Variants in NAT1 observed in about 807,000 individuals in gnomAD.
The protein encoded by NAT1 is N-acetyltransferase 1, also known as arylamine N-acetyltransferase 1.
For missense variants in NAT1, 400 were observed against 339.2 expected (o/e 1.18, Z -1.41); for synonymous variants, 144 against 122.6 (o/e 1.17, Z -1.16).
chr8:18,177,539 C>T lies in NAT1; in HGVS notation n.92+6800C>T, dbSNP rs191210796. The stretch of plus-strand genomic sequence containing the variant: ...TCACTGTCATTACCCATAAATACTA[C>T]TAGGTATTACATGAAATTCCATTGT... On this transcript the variant is annotated intron_variant and non_coding_transcript_variant, in intron 2 of 4. Coordinates refer to the NAT1 transcript ENST00000517441. Among the ~76,000 whole-genome samples, 270 of 152,200 alleles carry T rather than the reference C, an allele frequency of 1.8e-3. 1 individual carries two copies. Among genetic ancestry groups the T allele is most frequent in the African/African-American group, 6.2e-3 (258 of 41,554 alleles).
chr8:18,217,986 G>C (rs866803264), intron 1 of NAT1, among the ~76,000 whole-genome samples: 28 of 152,142 alleles, frequency 1.8e-4, no homozygotes, highest in African/African-American at 5.8e-4. Context: ...GAGTGGCTGA[G>C]AATATTTTCC....
intron 2 of NAT1, among the ~76,000 whole-genome samples, chr8:18,197,751 G>A (rs1803296381): frequency 1.3e-5 from 2 of 152,096 alleles, no homozygotes. Flanking sequence ...AGTAAATATT[G>A]GTTAGACTAG....
intron 2 of NAT1, among the ~76,000 whole-genome samples, chr8:18,199,317 C>CAAAAAA (rs373393013): frequency 6.2e-4 from 54 of 87,466 alleles, no homozygotes; most frequent in African/African-American, 2.0e-3. Context: ...GACTCTGTCT[C>CAAAAAA]AAAAAAAAAA....
At chr8:18,198,884 T>C (rs960302502) in intron 2 of NAT1, among the ~76,000 whole-genome samples, 1 of 152,144 alleles carries the variant, frequency 6.6e-6, no homozygotes, top group Non-Finnish European at 1.5e-5. Context: ...GACTTGCAAT[T>C]AGAGAAAAAA....
chr8:18,175,088 A>G (rs1802241436), intron 2 of NAT1, among the ~76,000 whole-genome samples: 1 of 152,078 alleles, frequency 6.6e-6, no homozygotes, highest in African/African-American at 2.4e-5. Flanking sequence ...ATATTTATTT[A>G]TAATTGACAA....
chr8:18,211,554 G>GA (rs1434818737), intron 1 of NAT1, among the ~76,000 whole-genome samples: 1 of 152,142 alleles, frequency 6.6e-6, no homozygotes, highest in Non-Finnish European at 1.5e-5. Flanking sequence ...TTTTTCTTTA[G>GA]ATTTGCTTTT....
In NAT1 at chr8:18,222,698, T is replaced by A; in HGVS notation, c.651T>A (p.Phe217Leu). 1 of 1,614,106 alleles carries A rather than the reference T, an allele frequency of 6.2e-7. No individual in the cohort carries two copies. Residue 217 changes from phenylalanine (F) to leucine (L), a missense_variant, in exon 3 of 3, where the codon TTT becomes TTA. Physicochemically the swap from Phe to Leu is conservative, Grantham distance 22. Transcript: ENST00000307719. ...TGCAGACATCTCCATCATCTGTGTT[T>A]ACTAGTAAATCATTTTGTTCCTTGC... Reference protein sequence around the residue: ...TYLQTSPSSVFTSKSFCSLQT... With the variant: ...TYLQTSPSSVLTSKSFCSLQT...
intron 2 of NAT1, among the ~76,000 whole-genome samples, chr8:18,197,875 G>T (rs1030650688): frequency 6.6e-6 from 1 of 151,614 alleles, no homozygotes; most frequent in South Asian, 2.1e-4. Flanking sequence ...TGGGTTCTGG[G>T]AAGTATGTTT....
In NAT1 at chr8:18,219,399, T is replaced by C. The variant is rs1257847849; in HGVS notation, c.-85-12T>C. ...GTTATATATTTCTGACTGTCTTTTC[T>C]CTTATTTCTAGAATTCAAGCCAGGA... On this transcript the variant is annotated splice_polypyrimidine_tract_variant and intron_variant, in intron 1 of 2. Transcript: ENST00000307719. 1.3e-6 allele frequency: 2 copies of C among 1,533,172 alleles called. No individual in the cohort carries two copies. The highest frequency in any genetic ancestry group is 1.8e-6 in the Non-Finnish European group (2 of 1,134,316). The allele number at this position is 1,533,172 out of a possible 1,614,324, so 95.0% of individuals were successfully genotyped here. A position where few individuals can be genotyped will look rare whatever the true frequency, so the allele number is the denominator to read the frequency against.
rs4987076 is a variant in NAT1 at position 18,222,492 on chromosome 8, G to A, written c.445G>A (p.Val149Ile). The stretch of plus-strand genomic sequence containing the variant: ...GAAGGATCAGCCTCAGGTGCCTTGT[G>A]TCTTCCGTTTGACGGAAGAGAATGG... ...SGKDQPQVPC[V>I]FRLTEENGFW... The change falls in exon 3 of 3, where the codon GTC becomes ATC. Residue 149 changes from valine to isoleucine, a missense_variant. Val to Ile is a conservative substitution (Grantham distance 29). Coordinates refer to ENST00000307719, the MANE Select transcript of NAT1 (RefSeq NM_000662.8). The A allele has an allele frequency of 0.021, 34,637 of 1,614,078 alleles. 483 individuals carry two copies. Among genetic ancestry groups the A allele is most frequent in the Middle Eastern group, 0.08 (487 of 6,062 alleles).
chr8:18,210,275 C>A (rs531531106), intron 1 of NAT1, 95 bp downstream of exon 1: 13 of 152,282 alleles, frequency 8.5e-5, no homozygotes, highest in African/African-American at 2.9e-4. Context: ...GTCTACATTT[C>A]AAGTATAAGG....
At chr8:18,195,859 G>C (rs934421611) in intron 2 of NAT1, among the ~76,000 whole-genome samples, 1 of 151,112 alleles carries the variant, frequency 6.6e-6, no homozygotes, top group Non-Finnish European at 1.5e-5. Flanking sequence ...AGATCTTTTC[G>C]ACCTACCAGT....
At chr8:18,204,818 A>C (rs928612388) in intron 2 of NAT1, among the ~76,000 whole-genome samples, 2 of 152,222 alleles carry the variant, frequency 1.3e-5, no homozygotes, top group African/African-American at 4.8e-5. Flanking sequence ...AGAATGTTAT[A>C]AGACAGATAT....
At chr8:18,210,933 C>A (rs1804038703) in intron 1 of NAT1, among the ~76,000 whole-genome samples, 1 of 152,126 alleles carries the variant, frequency 6.6e-6, no homozygotes, top group Non-Finnish European at 1.5e-5. Flanking sequence ...CGCCACCATG[C>A]CTGGCTAATT....
chr8:18,197,345 A>T (rs1309490374), intron 2 of NAT1, among the ~76,000 whole-genome samples: 1 of 152,232 alleles, frequency 6.6e-6, no homozygotes, highest in African/African-American at 2.4e-5. Context: ...ACATAAAGAC[A>T]TCATACAGCC....
intron 2 of NAT1, among the ~76,000 whole-genome samples, chr8:18,197,539 G>T (rs887216311): frequency 1.9e-4 from 29 of 152,160 alleles, no homozygotes; most frequent in African/African-American, 6.5e-4. Flanking sequence ...ACGACAGCCC[G>T]TCACAACAAA....
At chr8:18,178,100 G>A (rs1419878589) in intron 2 of NAT1, among the ~76,000 whole-genome samples, 1 of 152,106 alleles carries the variant, frequency 6.6e-6, no homozygotes, top group South Asian at 2.1e-4. Context: ...CAGAGGGAGG[G>A]AGATGGGAAA....
At chr8:18,220,923 C>G (rs141113165) in intron 2 of NAT1, among the ~76,000 whole-genome samples, 1 of 152,238 alleles carries the variant, frequency 6.6e-6, no homozygotes, top group Non-Finnish European at 1.5e-5. Flanking sequence ...GTCCATGTGA[C>G]TATCCATAAG....
At chr8:18,220,137 A>G (rs8190834) in intron 2 of NAT1, among the ~76,000 whole-genome samples, 14 of 152,296 alleles carry the variant, frequency 9.2e-5, no homozygotes, top group African/African-American at 3.4e-4. Context: ...GACTAAATAC[A>G]TCTTGTTCTC....
Sources: gnomAD v4.1 joint callset for allele counts (sites outside exome capture counted in the v4.1 genomes callset) on GRCh38, gnomAD v4.1.1 for gene constraint, MANE v1.5 for transcripts, NCBI Gene and HGNC (gene_info 2026-07-23, HGNC 2026-07-21) for gene names.